The following RSPRY1 variants were observed in gnomAD, a reference collection of about 807,000 sequenced individuals.
RSPRY1 encodes RING finger and SPRY domain-containing protein 1.
In RSPRY1, 23 loss-of-function variants were observed where a neutral mutation model predicts 73.1. That is an observed-to-expected ratio of 0.31 (90% confidence interval 0.23 to 0.45). The LOEUF is 0.45. Among genes scored for constraint, RSPRY1 ranks in the 20% least tolerant of loss-of-function variants. The pLI, the probability that RSPRY1 is intolerant of heterozygous loss-of-function variation, is 1.00. For missense variants in RSPRY1, 448 were observed against 698.7 expected, an observed-to-expected ratio of 0.64 and a Z score of 4.05; for synonymous variants, 226 against 251.4, an observed-to-expected ratio of 0.90 and a Z score of 0.95.
rs777198350 is a variant in RSPRY1, at chr16:57,235,134, C to G, written c.1540C>G (p.Leu514Val). The change falls in exon 14 of 15, where the codon CTT becomes GTT. Residue 514 changes from leucine to valine, a missense_variant. By Grantham distance (32) the Leu-to-Val change is conservative. Transcript: ENST00000394420. ...GCTTTTTCTACTCAGGCACAGGCGT[C>G]TTGCTCTGTTGAAGCAAGTCAGTAT... ...EKIILPRHRR[L>V]ALLKQVSIRE... 1.2e-6 allele frequency: 2 copies of G among 1,613,836 alleles called. No individual in the cohort carries two copies. Among genetic ancestry groups the G allele is most frequent in the African/African-American group, 2.7e-5 (2 of 74,934 alleles).
At chr16:57,213,367 G>C (rs1204690034) in intron 5 of RSPRY1, among the ~76,000 whole-genome samples, 1 of 152,106 alleles carries the variant, frequency 6.6e-6, no homozygotes, top group Non-Finnish European at 1.5e-5. Context: ...AAAGAAAAAA[G>C]GGAGAAAAGC....
intron 10 of RSPRY1, among the ~76,000 whole-genome samples, chr16:57,225,819 C>A (rs1042714048): frequency 6.6e-6 from 1 of 152,218 alleles, no homozygotes. Context: ...TGGCTCACGC[C>A]TGTAATCCCA....
At chr16:57,227,286 G>T in intron 10 of RSPRY1, 56 bp from the exon 11 acceptor site, 3 of 1,187,980 alleles carry the variant, frequency 2.5e-6, no homozygotes, top group Non-Finnish European at 3.8e-6. Flanking sequence ...CACACTCTCT[G>T]TTCCCAGGTC....
chr16:57,189,658 C>T (rs1212743502), intron 1 of RSPRY1, among the ~76,000 whole-genome samples: 1 of 137,132 alleles, frequency 7.3e-6, no homozygotes, highest in African/African-American at 2.8e-5. Flanking sequence ...GTGGTGCAAT[C>T]ACGGCTCACA....
Position 57,239,572 on chromosome 16 carries a change from A to G in RSPRY1, c.*597A>G, listed in dbSNP as rs774204509. ...AGTTTGTGATATTTCAGTGATTCCAAAGAACATTCTAGGTTTTTTGTTTGT... is the reference window on the plus strand; with the variant it reads ...AGTTTGTGATATTTCAGTGATTCCAGAGAACATTCTAGGTTTTTTGTTTGT... On this transcript the variant is annotated 3_prime_UTR_variant, in exon 15 of 15. Transcript: ENST00000394420. The G allele has an allele frequency of 4.6e-5, 7 of 152,148 alleles. No homozygotes were observed. Among genetic ancestry groups the G allele is most frequent in the Non-Finnish European group, 7.4e-5 (5 of 68,022 alleles). 9.4% of individuals were successfully genotyped at this position (152,148 alleles called of 1,614,324 possible).
At chr16:57,188,111 A>G (rs2074283448) in intron 1 of RSPRY1, among the ~76,000 whole-genome samples, 2 of 152,228 alleles carry the variant, frequency 1.3e-5, no homozygotes, top group South Asian at 4.1e-4. Flanking sequence ...TTGTTGTGGT[A>G]GCCCTAGACT....
intron 1 of RSPRY1, among the ~76,000 whole-genome samples, chr16:57,202,852 CTT>C (rs1284647394): frequency 2.9e-5 from 4 of 139,918 alleles, no homozygotes; most frequent in Admixed American, 1.5e-4. Context: ...CCTCCTCCCT[CTT>C]TATATATATT....
chr16:57,190,990 G>A (rs1380136388), intron 1 of RSPRY1, among the ~76,000 whole-genome samples: 2 of 152,174 alleles, frequency 1.3e-5, no homozygotes, highest in African/African-American at 4.8e-5. Flanking sequence ...AGGAATTTAT[G>A]TACTCCTTAA....
chr16:57,215,007 G>A (rs1008214542), intron 6 of RSPRY1, among the ~76,000 whole-genome samples: 2 of 151,384 alleles, frequency 1.3e-5, no homozygotes, highest in African/African-American at 2.4e-5. Flanking sequence ...CAGCCTGGGC[G>A]ACAGAGCGAG....
intron 6 of RSPRY1, among the ~76,000 whole-genome samples, chr16:57,214,240 A>G (rs2074898205): frequency 6.6e-6 from 1 of 152,206 alleles, no homozygotes; most frequent in Non-Finnish European, 1.5e-5. Flanking sequence ...AGTTTGCCAA[A>G]TGGTAATAGG....
Position 57,221,288 on chromosome 16 carries a change from C to T in RSPRY1, c.1034C>T (p.Ser345Phe). Reference protein sequence around the residue: ...PHGLEARCDASSFESVRCTFC... With the variant: ...PHGLEARCDAFSFESVRCTFC... ...TTTTGCCAGGCTCGCTGTGATGCCT[C>T]CTCTTTTGAAAGTGTGCGTTGCACC... The change falls in exon 10 of 15, where the codon TCC becomes TTC. Residue 345 changes from serine to phenylalanine, a missense_variant. Physicochemically the swap from Ser to Phe is radical, Grantham distance 155. Transcript: ENST00000394420. 3 of 1,613,956 alleles carry T rather than the reference C, an allele frequency of 1.9e-6. No homozygotes were observed. Among genetic ancestry groups the T allele is most frequent in the South Asian group, 1.1e-5 (1 of 91,060 alleles).
intron 10 of RSPRY1, 63 bp from the exon 11 acceptor site, chr16:57,227,279 A>G: frequency 9.1e-7 from 1 of 1,093,298 alleles, no homozygotes; most frequent in South Asian, 1.3e-5. Flanking sequence ...TAAAAGACAC[A>G]CTCTCTGTTC....
At position 57,235,321 on chromosome 16, in the gene RSPRY1, T is replaced by C. The variant is rs1162362843; in HGVS notation, c.1634+93T>C. 9 of 864,486 alleles carry C rather than the reference T, an allele frequency of 1.0e-5. No homozygotes were observed. In the East Asian group the frequency reaches 2.3e-4, roughly 22 times the overall value. The allele number at this position is 864,486 out of a possible 1,614,324, so 53.6% of individuals were successfully genotyped here. ...AGGGTTTATTGTATCTAAAGCAGGC[T>C]GAATGAGGAACTAGAGTTTAAGTAG... On this transcript the variant is annotated intron_variant, in intron 14 of 14. Coordinates refer to ENST00000394420, the MANE Select transcript of RSPRY1 (RefSeq NM_133368.3).
At chr16:57,222,140 A>G (rs1354637695) in intron 10 of RSPRY1, among the ~76,000 whole-genome samples, 1 of 151,970 alleles carries the variant, frequency 6.6e-6, no homozygotes, top group Non-Finnish European at 1.5e-5. Flanking sequence ...CCCTTGGATT[A>G]TTTTGTTAAT....
At chr16:57,212,209 G>T (rs1432258093) in intron 4 of RSPRY1, among the ~76,000 whole-genome samples, 1 of 152,136 alleles carries the variant, frequency 6.6e-6, no homozygotes, top group Admixed American at 6.5e-5. Flanking sequence ...TACGAGGGAG[G>T]CTGAAGTGGG....
chr16:57,186,246 G>A (rs559434380), upstream of RSPRY1: 2 of 886,770 alleles, frequency 2.3e-6, no homozygotes, highest in African/African-American at 1.8e-5. Flanking sequence ...GTGATTGGCT[G>A]TCAAGGAGAG....
intron 1 of RSPRY1, among the ~76,000 whole-genome samples, chr16:57,192,724 T>C (rs1409716307): frequency 6.6e-6 from 1 of 150,816 alleles, no homozygotes; most frequent in African/African-American, 2.4e-5. Context: ...TTTTTTTTTT[T>C]TTTTAAGGTC....
Position 57,204,898 on chromosome 16 carries a change from T to C in RSPRY1, c.240T>C (p.Pro80=). The part of the protein sequence containing the change: ...TADTRSQPRD[P]VRPPRRGRGP... ...ACACAAGGAGCCAACCACGGGACCC[T>C]GTTCGGCCACCAAGGAGGGGCCGAG... Residue 80 remains proline (P), a synonymous_variant, in exon 2 of 15, where the codon CCT becomes CCC. Transcript: ENST00000394420. 6.2e-7 allele frequency: 1 copy of C among 1,614,152 alleles called. No homozygotes were observed. Among genetic ancestry groups the C allele is most frequent in the South Asian group, 1.1e-5 (1 of 91,078 alleles).
At chr16:57,221,489 A>T in intron 10 of RSPRY1, 74 bp downstream of exon 10, 1 of 1,445,788 alleles carries the variant, frequency 6.9e-7, no homozygotes, top group Non-Finnish European at 9.4e-7. Flanking sequence ...TGGGTGGAAA[A>T]TACTTATTTT....
Sources: gnomAD v4.1 joint callset for allele counts (sites outside exome capture counted in the v4.1 genomes callset) on GRCh38, gnomAD v4.1.1 for gene constraint, MANE v1.5 for transcripts, NCBI Gene and HGNC (gene_info 2026-07-23, HGNC 2026-07-21) for gene names.